KCNIP4: variants seen among roughly 807,000 people sequenced by gnomAD.
The protein encoded by KCNIP4 is potassium voltage-gated channel interacting protein 4, also known as Kv channel-interacting protein 4.
Under a neutral mutation model 34.0 loss-of-function variants are expected in KCNIP4, and 12 were observed. The ratio of observed to expected loss-of-function variants is 0.35; its 90% CI spans 0.23 to 0.57. The LOEUF (loss-of-function observed/expected upper bound fraction) is 0.57. Among genes scored for constraint, KCNIP4 ranks in the 20% least tolerant of loss-of-function variants. The probability of loss-of-function intolerance (pLI) is 0.83; values close to 1 mark genes in which losing one functional copy is unlikely to be tolerated. For missense variants in KCNIP4, 238 were observed against 311.7 expected (o/e 0.76, Z 1.78); for synonymous variants, 124 against 102.2 (o/e 1.21, Z -1.29).
chr4:21,640,751 C>G (rs1746556573), intron 1 of KCNIP4, among the ~76,000 whole-genome samples: 1 of 152,110 alleles, frequency 6.6e-6, no homozygotes, highest in Non-Finnish European at 1.5e-5. Flanking sequence ...CAGAATGACC[C>G]AAAAAGCTGC....
At chr4:21,697,983 A>C (rs2109058284) in intron 1 of KCNIP4, 1 of 152,970 alleles carries the variant, frequency 6.5e-6, no homozygotes, top group Admixed American at 6.5e-5. Flanking sequence ...TCCCAAAAAA[A>C]GGAGGTGGGG....
At chr4:20,972,549 G>A (rs142280206) in intron 1 of KCNIP4, among the ~76,000 whole-genome samples, 141 of 152,228 alleles carry the variant, frequency 9.3e-4, no homozygotes, top group African/African-American at 3.3e-3. Context: ...CTCAAGGGTG[G>A]GTTTAAAACT....
intron 1 of KCNIP4, among the ~76,000 whole-genome samples, chr4:21,077,796 G>A (rs1197344043): frequency 2.6e-5 from 4 of 151,896 alleles, no homozygotes; most frequent in African/African-American, 7.3e-5. Context: ...TGTAATAATT[G>A]TTATTACAAT....
chr4:21,207,017 C>T (rs1483668473), intron 1 of KCNIP4, among the ~76,000 whole-genome samples: 2 of 152,148 alleles, frequency 1.3e-5, no homozygotes, highest in Non-Finnish European at 2.9e-5. Flanking sequence ...TCTTTGATAG[C>T]CCATTGCAGT....
chr4:21,261,075 C>T (rs1036237705), intron 1 of KCNIP4, among the ~76,000 whole-genome samples: 9 of 152,182 alleles, frequency 5.9e-5, no homozygotes, highest in South Asian at 2.1e-4. Flanking sequence ...ATTTAACAGC[C>T]GGTTTTGGAG....
intron 1 of KCNIP4, among the ~76,000 whole-genome samples, chr4:21,892,086 T>C (rs1244847406): frequency 6.6e-6 from 1 of 152,122 alleles, no homozygotes; most frequent in Non-Finnish European, 1.5e-5. Context: ...CAAAGATATG[T>C]TCCAGACTGT....
chr4:21,668,049 C>T (rs775722233), intron 1 of KCNIP4, among the ~76,000 whole-genome samples: 4 of 152,098 alleles, frequency 2.6e-5, no homozygotes, highest in Non-Finnish European at 5.9e-5. Context: ...TACTATGCAG[C>T]CATAAAAAGG....
intron 1 of KCNIP4, among the ~76,000 whole-genome samples, chr4:21,863,259 A>AAT (rs1553939948): frequency 2.5e-5 from 2 of 78,786 alleles, no homozygotes; most frequent in South Asian, 6.7e-4. Context: ...CCACGGATTG[A>AAT]ATTTTTTTTT....
chr4:21,764,819 C>T (rs1718296454), intron 1 of KCNIP4, among the ~76,000 whole-genome samples: 1 of 152,064 alleles, frequency 6.6e-6, no homozygotes. Flanking sequence ...CCTCAGGCCT[C>T]CTCCAACCCC....
At chr4:21,701,126 G>T (rs1270327974) in intron 1 of KCNIP4, among the ~76,000 whole-genome samples, 1 of 152,266 alleles carries the variant, frequency 6.6e-6, no homozygotes, top group African/African-American at 2.4e-5. Context: ...ACTCAAGGAT[G>T]TTCTATGCTA....
At chr4:21,496,741 C>T (rs532675469) in intron 1 of KCNIP4, among the ~76,000 whole-genome samples, 2 of 152,300 alleles carry the variant, frequency 1.3e-5, no homozygotes, top group South Asian at 2.1e-4. Flanking sequence ...TGAGCTCCAC[C>T]TCCTGTCAGA....
At chr4:21,362,227 T>A (rs925907964) in intron 1 of KCNIP4, among the ~76,000 whole-genome samples, 1 of 152,142 alleles carries the variant, frequency 6.6e-6, no homozygotes, top group Non-Finnish European at 1.5e-5. Context: ...CTATATCACT[T>A]ATTAGAAAAT....
At chr4:20,932,498 CTA>C (rs1183029137) in intron 1 of KCNIP4, among the ~76,000 whole-genome samples, 1 of 151,260 alleles carries the variant, frequency 6.6e-6, no homozygotes, top group Non-Finnish European at 1.5e-5. Flanking sequence ...ATATTGTAGA[CTA>C]TAATAGTCTT....
chr4:21,504,195 C>A (rs1261930923), intron 1 of KCNIP4, among the ~76,000 whole-genome samples: 1 of 152,040 alleles, frequency 6.6e-6, no homozygotes, highest in Admixed American at 6.6e-5. Flanking sequence ...GGGCTAGGTG[C>A]AGTGGCTCAT....
At chr4:21,144,762 A>AT (rs1344194621) in intron 1 of KCNIP4, among the ~76,000 whole-genome samples, 4 of 152,138 alleles carry the variant, frequency 2.6e-5, no homozygotes, top group African/African-American at 7.2e-5. Flanking sequence ...ACTTAGAGCC[A>AT]TTTTTGTCCT....
chr4:21,560,661 A>T (rs1301932714), intron 1 of KCNIP4, among the ~76,000 whole-genome samples: 2 of 152,114 alleles, frequency 1.3e-5, no homozygotes, highest in African/African-American at 2.4e-5. Context: ...TATAAAAATG[A>T]TAAAGTACCA....
At chr4:20,848,879 T>G (rs1720691644) in intron 3 of KCNIP4, among the ~76,000 whole-genome samples, 1 of 152,176 alleles carries the variant, frequency 6.6e-6, no homozygotes, top group Non-Finnish European at 1.5e-5. Context: ...ATGAACACAT[T>G]TGAAGTTTTA....
At chr4:21,156,337 G>C (rs947982824) in intron 1 of KCNIP4, among the ~76,000 whole-genome samples, 1 of 152,144 alleles carries the variant, frequency 6.6e-6, no homozygotes, top group Non-Finnish European at 1.5e-5. Flanking sequence ...CAGGAATGTT[G>C]TTAATAGCTT....
rs6821010 is a variant in KCNIP4 at position 21,082,355 on chromosome 4, G to A, written c.62-199646C>T. On this transcript the variant is annotated intron_variant, in intron 1 of 8. Transcript: ENST00000382152. ...ACTTAAGCAAAGAAAGCTACTAGGA[G>A]CAAGAACACCCCAGAGAATTTCTGT... 3.3e-3 allele frequency among the ~76,000 whole-genome samples: 496 copies of A among 151,766 alleles called. 12 individuals carry two copies. Among genetic ancestry groups the A allele is most frequent in the African/African-American group, 0.011 (453 of 41,248 alleles).
Sources: allele counts gnomAD v4.1 joint callset (sites outside exome capture counted in the v4.1 genomes callset), GRCh38; gene constraint gnomAD v4.1.1; transcripts MANE v1.5; gene names NCBI Gene and HGNC (gene_info 2026-07-23, HGNC 2026-07-21).